Variants in SPMIP2 observed in about 807,000 individuals in gnomAD.
SPMIP2 encodes protein SPMIP2.
the SPMIP2 span, among the ~76,000 whole-genome samples, chr4:159,015,428 G>A: frequency 5.9e-4 from 90 of 152,180 alleles, no homozygotes; most frequent in African/African-American, 2.0e-3. Context: ...GTTTATATTT[G>A]GAAAGAATTA....
chr4:158,917,391 C>T, the SPMIP2 span, among the ~76,000 whole-genome samples: 3 of 152,096 alleles, frequency 2.0e-5, no homozygotes, highest in Non-Finnish European at 2.9e-5. Context: ...CACATCACTG[C>T]ACTCCAGCCT....
the SPMIP2 span, among the ~76,000 whole-genome samples, chr4:158,958,663 G>A: frequency 2.6e-4 from 40 of 152,310 alleles, no homozygotes; most frequent in African/African-American, 9.1e-4. Flanking sequence ...CTTTGCCCAG[G>A]AAAAAGATGG....
the SPMIP2 span, among the ~76,000 whole-genome samples, chr4:158,968,879 A>G: frequency 1.3e-5 from 2 of 152,220 alleles, no homozygotes; most frequent in African/African-American, 4.8e-5. Context: ...AAACCGTCAC[A>G]AAGAAGCTCT....
the SPMIP2 span, among the ~76,000 whole-genome samples, chr4:158,982,048 C>G: frequency 0.97 from 147,640 of 152,126 alleles, 71,790 homozygotes; most frequent in East Asian, 1. Flanking sequence ...AAAGTGGAAA[C>G]CAAAAAAAAG....
chr4:158,961,841 A>G, the SPMIP2 span, among the ~76,000 whole-genome samples: 11 of 152,080 alleles, frequency 7.2e-5, no homozygotes, highest in Admixed American at 3.3e-4. Context: ...TTGGACATCT[A>G]TGTTTACTGT....
chr4:158,968,054 A>C, the SPMIP2 span, among the ~76,000 whole-genome samples: 1 of 152,194 alleles, frequency 6.6e-6, no homozygotes, highest in Admixed American at 6.5e-5. Context: ...ATTTTTGAGA[A>C]GGTCTCACTC....
the SPMIP2 span, among the ~76,000 whole-genome samples, chr4:159,052,198 T>G: frequency 6.6e-6 from 1 of 152,162 alleles, no homozygotes; most frequent in Non-Finnish European, 1.5e-5. Context: ...GTTCGCACAA[T>G]GTTTTGATTT....
At chr4:159,079,865 T>C in the SPMIP2 span, among the ~76,000 whole-genome samples, 1 of 152,176 alleles carries the variant, frequency 6.6e-6, no homozygotes, top group African/African-American at 2.4e-5. Context: ...AAAACACTAA[T>C]GCATTCTCAA....
At chr4:158,994,248 T>C in the SPMIP2 span, among the ~76,000 whole-genome samples, 8 of 152,244 alleles carry the variant, frequency 5.3e-5, no homozygotes, top group African/African-American at 1.9e-4. Context: ...GGATGTTGAA[T>C]AAGTAAGTGA....
chr4:159,017,356 TAC>T, the SPMIP2 span, among the ~76,000 whole-genome samples: 1,599 of 149,396 alleles, frequency 0.011, 20 homozygotes, highest in African/African-American at 0.03. Flanking sequence ...CACAAACACA[TAC>T]ACACACACAC....
the SPMIP2 span, among the ~76,000 whole-genome samples, chr4:159,034,574 T>C: frequency 4.6e-5 from 7 of 152,188 alleles, no homozygotes; most frequent in Non-Finnish European, 1.5e-5. Flanking sequence ...GTGGGCATAA[T>C]GAGATAGCAG....
At chr4:158,991,684 A>C in the SPMIP2 span, among the ~76,000 whole-genome samples, 1 of 152,148 alleles carries the variant, frequency 6.6e-6, no homozygotes, top group African/African-American at 2.4e-5. Context: ...TACTTTGATA[A>C]AGCATAGAAT....
chr4:158,909,195 T>C, the SPMIP2 span, among the ~76,000 whole-genome samples: 2 of 152,192 alleles, frequency 1.3e-5, no homozygotes, highest in East Asian at 1.9e-4. Context: ...TCCACAGATA[T>C]ATTTGTTCTC....
chr4:158,939,291 T>C, the SPMIP2 span, among the ~76,000 whole-genome samples: 2 of 152,162 alleles, frequency 1.3e-5, no homozygotes, highest in East Asian at 3.8e-4. Context: ...CTTTGCAAAT[T>C]TTAAATATAC....
chr4:159,070,928 A>G, the SPMIP2 span, among the ~76,000 whole-genome samples: 2 of 152,180 alleles, frequency 1.3e-5, no homozygotes, highest in Non-Finnish European at 2.9e-5. Flanking sequence ...TGCTGGAACC[A>G]TTCGTTCTGG....
chr4:158,895,606 G>C, the SPMIP2 span: 1 of 605,382 alleles, frequency 1.7e-6, no homozygotes, highest in South Asian at 2.0e-5. Context: ...TAGGGTTTGA[G>C]ATGGCTTGTG....
At chr4:158,928,233 A>G in the SPMIP2 span, among the ~76,000 whole-genome samples, 2 of 151,090 alleles carry the variant, frequency 1.3e-5, no homozygotes, top group Non-Finnish European at 3.0e-5. Flanking sequence ...CAGTCAGCAC[A>G]CTGTGTCTAG....
chr4:158,952,846 G>C, the SPMIP2 span, among the ~76,000 whole-genome samples: 3 of 152,336 alleles, frequency 2.0e-5, no homozygotes, highest in East Asian at 5.8e-4. Context: ...AAAGAGACTG[G>C]TGGCATTTTG....
the SPMIP2 span, among the ~76,000 whole-genome samples, chr4:159,067,602 A>G: frequency 6.6e-6 from 1 of 152,228 alleles, no homozygotes; most frequent in African/African-American, 2.4e-5. Context: ...TTAGAAAAAG[A>G]AGACTTCATG....
Sources: gnomAD v4.1 joint callset for allele counts (sites outside exome capture counted in the v4.1 genomes callset) on GRCh38, gnomAD v4.1.1 for gene constraint, MANE v1.5 for transcripts, NCBI Gene and HGNC (gene_info 2026-07-23, HGNC 2026-07-21) for gene names.